VSIG10: variants seen among roughly 807,000 people sequenced by gnomAD.
The protein encoded by VSIG10 is V-set and immunoglobulin domain-containing protein 10.
In VSIG10, 48 loss-of-function variants were observed where a neutral mutation model predicts 58.7. The observed-to-expected ratio is 0.82, with a 90% CI of 0.65 to 1.04. The LOEUF (loss-of-function observed/expected upper bound fraction) is 1.04, where lower values mean the gene tolerates loss of function less well. Ranked by LOEUF, VSIG10 falls within the 50% of genes least tolerant of loss-of-function variation. VSIG10 has a pLI of 0.00. For missense variants in VSIG10, 628 were observed against 670.0 expected (o/e 0.94, Z 0.69); for synonymous variants, 260 against 267.1 (o/e 0.97, Z 0.26).
intron 4 of VSIG10, among the ~76,000 whole-genome samples, chr12:118,076,741 A>G (rs1482668327): frequency 1.3e-5 from 2 of 152,006 alleles, no homozygotes; most frequent in Non-Finnish European, 2.9e-5. Flanking sequence ...CTGCAGCCTC[A>G]ACCTCCTAGG....
At chr12:118,095,459 T>C (rs749790490) in intron 2 of VSIG10, 74 bp downstream of exon 2, 4 of 1,573,748 alleles carry the variant, frequency 2.5e-6, no homozygotes, top group African/African-American at 2.7e-5. Context: ...AAAACCCATA[T>C]TCCTGACCAT....
At position 118,070,610 on chromosome 12, in the gene VSIG10, T is replaced by C. The variant is rs77697756; in HGVS notation, c.1346+442A>G. On this transcript the variant is annotated intron_variant, in intron 7 of 8. Coordinates refer to ENST00000359236, the MANE Select transcript of VSIG10 (RefSeq NM_019086.6). ...AAACTTAAGACTATGACTGATTCTTTCTTTTAGCTCTTTTTAGAAAATTAA... is the reference window on the plus strand; with the variant it reads ...AAACTTAAGACTATGACTGATTCTTCCTTTTAGCTCTTTTTAGAAAATTAA... Among the ~76,000 whole-genome samples, 1,191 of 152,148 alleles carry C rather than the reference T, an allele frequency of 7.8e-3. 21 individuals carry two copies. The highest frequency in any genetic ancestry group is 0.027 in the African/African-American group (1,130 of 41,518).
chr12:118,093,013 G>T (rs898722026), intron 2 of VSIG10, among the ~76,000 whole-genome samples: 24 of 151,880 alleles, frequency 1.6e-4, no homozygotes, highest in Admixed American at 1.4e-3. Flanking sequence ...TAATTGGCTG[G>T]GCATGGTGGC....
At chr12:118,071,256 G>A (rs2032477843) in intron 6 of VSIG10, 103 bp downstream of exon 6, 3 of 1,310,030 alleles carry the variant, frequency 2.3e-6, no homozygotes, top group Non-Finnish European at 2.2e-6. Flanking sequence ...AAGAAGCCCA[G>A]AGAACAGAAC....
At chr12:118,077,745 A>G (rs1003209739) in intron 4 of VSIG10, among the ~76,000 whole-genome samples, 1 of 152,188 alleles carries the variant, frequency 6.6e-6, no homozygotes, top group East Asian at 1.9e-4. Flanking sequence ...TGTTGGAAGG[A>G]CACTCAAGCA....
chr12:118,096,344 C>G (rs1022987740), intron 1 of VSIG10, among the ~76,000 whole-genome samples: 1 of 151,044 alleles, frequency 6.6e-6, no homozygotes. Context: ...TTTGGGAGGC[C>G]AAGGCGGGCG....
At chr12:118,082,100 C>A in intron 3 of VSIG10, 27 bp downstream of exon 3, 3 of 1,599,236 alleles carry the variant, frequency 1.9e-6, no homozygotes, top group Non-Finnish European at 1.7e-6. Flanking sequence ...GGGGAAGAAG[C>A]GGGGCAGAGG....
chr12:118,080,625 T>C lies in VSIG10; in HGVS notation c.665-1019A>G, dbSNP rs558361537. 5.3e-5 allele frequency among the ~76,000 whole-genome samples: 8 copies of C among 152,236 alleles called. No individual in the cohort carries two copies. In the East Asian group the frequency reaches 1.3e-3, roughly 26 times the overall value. On this transcript the variant is annotated intron_variant, in intron 3 of 8. Transcript: ENST00000359236. ...CACACAGGTCCACAAAAACAATGTA[T>C]ACAGATGGATGGATGAACAAATAAA...
chr12:118,099,874 G>A (rs4767664), intron 1 of VSIG10, among the ~76,000 whole-genome samples: 54,652 of 152,024 alleles, frequency 0.36, 10,022 homozygotes, highest in Admixed American at 0.44. Context: ...AAGCCAGCCT[G>A]GAGCCCCAGG....
Position 118,065,268 on chromosome 12 carries a change from G to A in VSIG10, c.*1371C>T, listed in dbSNP as rs544476051. ...AGCAATTCTTATCACCAGATACTCCGTTATTAAACGTGTCTCCTGCCTTCT... is the reference window on the plus strand; with the variant it reads ...AGCAATTCTTATCACCAGATACTCCATTATTAAACGTGTCTCCTGCCTTCT... On this transcript the variant is annotated 3_prime_UTR_variant, in exon 9 of 9. Transcript: ENST00000359236. 5.9e-5 allele frequency: 9 copies of A among 152,340 alleles called. No individual in the cohort carries two copies. The highest frequency in any genetic ancestry group is 5.8e-4 in the East Asian group (3 of 5,184). The allele number at this position is 152,340 out of a possible 1,614,324, so 9.4% of individuals were successfully genotyped here.
chr12:118,071,476 A>ACC lies in VSIG10; in HGVS notation c.1220-8_1220-7insGG. 6.2e-7 allele frequency: 1 copy of ACC among 1,611,512 alleles called. No individual in the cohort carries two copies. The highest frequency in any genetic ancestry group is 1.1e-5 in the South Asian group (1 of 91,050). ...CCCCCGATATTTAAAGGTTCTGTAA[A>ACC]GACAAATCACACCATTGATTCTTCC... On this transcript the variant is annotated splice_polypyrimidine_tract_variant and splice_region_variant and intron_variant, in intron 5 of 8. Transcript: ENST00000359236.
At chr12:118,084,082 T>C (rs1024845921) in intron 2 of VSIG10, among the ~76,000 whole-genome samples, 5 of 152,018 alleles carry the variant, frequency 3.3e-5, no homozygotes, top group African/African-American at 1.2e-4. Flanking sequence ...ATTGTGCCAG[T>C]ACACTCCAGC....
chr12:118,087,837 C>CAAAA (rs10654315), intron 2 of VSIG10, among the ~76,000 whole-genome samples: 2 of 62,594 alleles, frequency 3.2e-5, no homozygotes, highest in African/African-American at 5.5e-5. Flanking sequence ...GATCCTGTCT[C>CAAAA]AAAAAAAAAA....
At chr12:118,078,293 G>A (rs2032806163) in intron 4 of VSIG10, among the ~76,000 whole-genome samples, 1 of 151,928 alleles carries the variant, frequency 6.6e-6, no homozygotes, top group Admixed American at 6.6e-5. Flanking sequence ...CGAGTAGCTG[G>A]GACTACAGGC....
chr12:118,089,075 C>T (rs978304110), intron 2 of VSIG10, among the ~76,000 whole-genome samples: 3 of 152,002 alleles, frequency 2.0e-5, no homozygotes, highest in African/African-American at 7.2e-5. Flanking sequence ...CAGCCTCCCA[C>T]GCATCTGGGA....
At chr12:118,070,892 G>A (rs533522391) in intron 7 of VSIG10, 160 bp downstream of exon 7, 98 of 861,468 alleles carry the variant, frequency 1.1e-4, no homozygotes, top group Non-Finnish European at 1.7e-4. Flanking sequence ...TGATGAAAGG[G>A]TTTATAAGAA....
At chr12:118,095,888 T>C in intron 1 of VSIG10, 74 bp from the exon 2 acceptor site, 10 of 1,441,114 alleles carry the variant, frequency 6.9e-6, no homozygotes, top group African/African-American at 1.4e-5. Context: ...ACAGTACTCC[T>C]GTATTAGGAT....
intron 4 of VSIG10, 74 bp downstream of exon 4, chr12:118,079,272 A>C: frequency 1.3e-6 from 2 of 1,555,518 alleles, no homozygotes; most frequent in Non-Finnish European, 1.7e-6. Context: ...CCTCAGAAGA[A>C]CTCTCAAATG....
intron 8 of VSIG10, among the ~76,000 whole-genome samples, chr12:118,067,885 T>A (rs2032310063): frequency 6.6e-6 from 1 of 152,120 alleles, no homozygotes; most frequent in South Asian, 2.1e-4. Context: ...CAATTTGATT[T>A]TCATGTTGGT....
Sources: allele counts gnomAD v4.1 joint callset (sites outside exome capture counted in the v4.1 genomes callset), GRCh38; gene constraint gnomAD v4.1.1; transcripts MANE v1.5; gene names NCBI Gene and HGNC (gene_info 2026-07-23, HGNC 2026-07-21).